The following PMP2 variants were observed in gnomAD, a reference collection of about 807,000 sequenced individuals.
PMP2 encodes the protein peripheral myelin protein 2.
PMP2 carries 11 observed loss-of-function variants against 15.9 expected under a neutral mutation model. The ratio of observed to expected loss-of-function variants is 0.69; its 90% CI spans 0.44 to 1.14. The LOEUF (loss-of-function observed/expected upper bound fraction) is 1.14. Among genes scored for constraint, PMP2 ranks in the 50% most tolerant of loss-of-function variants. The probability of loss-of-function intolerance (pLI) is 0.00; values close to 1 mark genes in which losing one functional copy is unlikely to be tolerated. For synonymous variants in PMP2, 55 were observed against 54.1 expected, an observed-to-expected ratio of 1.02 and a Z score of -0.07; for missense variants, 151 against 154.0, an observed-to-expected ratio of 0.98 and a Z score of 0.10.
chr8:81,447,382 C>T lies in PMP2; in HGVS notation c.5G>A (p.Ser2Asn). 6.2e-7 allele frequency: 1 copy of T among 1,613,286 alleles called. No individual in the cohort carries two copies. Among genetic ancestry groups the T allele is most frequent in the Non-Finnish European group, 8.5e-7 (1 of 1,179,238 alleles). ...TTTCCAGGTGCCCAGGAATTTGTTG[C>T]TCATCGTGATGGGTGAGAGCTCAAC... M[S>N]NKFLGTWKLV... is the part of the protein sequence containing the mutation. The change falls in exon 1 of 4, where the codon AGC (serine) becomes AAC (asparagine). Residue 2 changes from serine to asparagine, a missense_variant. Coordinates refer to ENST00000256103, the MANE Select transcript of PMP2 (RefSeq NM_002677.5).
chr8:81,443,364 T>C lies in PMP2; in HGVS notation c.*34A>G. On this transcript the variant is annotated 3_prime_UTR_variant, in exon 4 of 4. Transcript: ENST00000256103. ...GAAGCAATTGATTTCCATCATTAAA[T>C]GATAAAAAGCCACTTCAATGAAGAA... 6.9e-7 allele frequency: 1 copy of C among 1,439,012 alleles called. No individual in the cohort carries two copies. Among genetic ancestry groups the C allele is most frequent in the Admixed American group, 1.8e-5 (1 of 54,278 alleles). 89.1% of individuals were successfully genotyped at this position (1,439,012 alleles called of 1,614,324 possible).
intron 1 of PMP2, among the ~76,000 whole-genome samples, chr8:81,445,512 C>T (rs1015163523): frequency 2.0e-5 from 3 of 152,134 alleles, no homozygotes; most frequent in Admixed American, 6.5e-5. Flanking sequence ...CGTGAGCCAC[C>T]GCGCCCGGCC....
In PMP2 at chr8:81,447,309, C is replaced by T; in HGVS notation, c.73+5G>A. ...TTCAGCAGAACAACAAAAAGCATTTCTTACCCAGAGCTTTCATGTAATCGT... is the reference window on the plus strand; with the variant it reads ...TTCAGCAGAACAACAAAAAGCATTTTTTACCCAGAGCTTTCATGTAATCGT... On this transcript the variant is annotated splice_donor_5th_base_variant and intron_variant, in intron 1 of 3. Coordinates refer to ENST00000256103, the MANE Select transcript of PMP2 (RefSeq NM_002677.5). 1 of 1,610,346 alleles carries T rather than the reference C, an allele frequency of 6.2e-7. No individual in the cohort carries two copies. The highest frequency in any genetic ancestry group is 8.5e-7 in the Non-Finnish European group (1 of 1,176,560).
chr8:81,446,672 T>C (rs1198557201), intron 1 of PMP2, among the ~76,000 whole-genome samples: 1 of 152,242 alleles, frequency 6.6e-6, no homozygotes, highest in African/African-American at 2.4e-5. Flanking sequence ...CGGTTTTCCA[T>C]CTTCACTCAC....
chr8:81,447,169 A>G, intron 1 of PMP2, 145 bp downstream of exon 1: 1 of 583,270 alleles, frequency 1.7e-6, no homozygotes, highest in Non-Finnish European at 3.1e-6. Context: ...TATCTGAATG[A>G]CACAACAAAA....
chr8:81,443,519 A>G, intron 3 of PMP2, 71 bp from the exon 4 acceptor site: 5 of 931,762 alleles, frequency 5.4e-6, no homozygotes, highest in Non-Finnish European at 8.3e-6. Flanking sequence ...TAATAAAAAT[A>G]GAAATTCAAA....
chr8:81,447,301 A>C lies in PMP2; in HGVS notation c.73+13T>G. On this transcript the variant is annotated intron_variant, in intron 1 of 3. Coordinates refer to ENST00000256103, the MANE Select transcript of PMP2 (RefSeq NM_002677.5). ...AGGAGCTTTTCAGCAGAACAACAAA[A>C]AGCATTTCTTACCCAGAGCTTTCAT... 6.2e-7 allele frequency: 1 copy of C among 1,603,982 alleles called. No homozygotes were observed. The highest frequency in any genetic ancestry group is 1.1e-5 in the South Asian group (1 of 90,870).
At chr8:81,446,020 A>T (rs541001153) in intron 1 of PMP2, among the ~76,000 whole-genome samples, 1 of 152,340 alleles carries the variant, frequency 6.6e-6, no homozygotes, top group Non-Finnish European at 1.5e-5. Context: ...AAAATATATG[A>T]AAGAAAAACT....
chr8:81,444,500 C>A lies in PMP2; in HGVS notation c.348G>T (p.Ala116=), dbSNP rs748491182. ...KRKLVNGKMV[A]ECKMKGVVCT... Reference sequence around the variant, plus strand: ...TATTTAGAAGTAAAGATACTCTTACCGCTACCATTTTCCCATTCACTAGCT... The same window carrying A: ...TATTTAGAAGTAAAGATACTCTTACAGCTACCATTTTCCCATTCACTAGCT... The change falls in exon 3 of 4, where the codon GCG becomes GCT. Residue 116 remains alanine (A), a splice_region_variant and synonymous_variant. Coordinates refer to ENST00000256103, the MANE Select transcript of PMP2 (RefSeq NM_002677.5). 1 of 1,585,488 alleles carries A rather than the reference C, an allele frequency of 6.3e-7. No homozygotes were observed.
Position 81,443,157 on chromosome 8 carries a change from A to G in PMP2, c.*241T>C, listed in dbSNP as rs1041711033. 1 of 368,688 alleles carries G rather than the reference A, an allele frequency of 2.7e-6. No homozygotes were observed. Among genetic ancestry groups the G allele is most frequent in the African/African-American group, 2.1e-5 (1 of 47,488 alleles). 22.8% of individuals were successfully genotyped at this position (368,688 alleles called of 1,614,324 possible). On this transcript the variant is annotated 3_prime_UTR_variant, in exon 4 of 4. Transcript: ENST00000256103. ...AGAATTTTGTAGTTAATTGAATGAC[A>G]TCATCAACTGTTTGTGTCTGGCCAA...
At chr8:81,444,425 G>T in intron 3 of PMP2, 75 bp downstream of exon 3, 3 of 904,238 alleles carry the variant, frequency 3.3e-6, no homozygotes, top group South Asian at 1.9e-5. Flanking sequence ...AAAGAACAAA[G>T]AATATTTTGA....
Position 81,442,608 on chromosome 8 carries a change from G to T in PMP2, c.*790C>A, listed in dbSNP as rs1025915087. ...AAACATGATGCTGAATTTAAAAAAGGCAAACAGAAAAGAATGCATGATGTA... is the reference window on the plus strand; with the variant it reads ...AAACATGATGCTGAATTTAAAAAAGTCAAACAGAAAAGAATGCATGATGTA... On this transcript the variant is annotated 3_prime_UTR_variant, in exon 4 of 4. Coordinates refer to ENST00000256103, the MANE Select transcript of PMP2 (RefSeq NM_002677.5). The T allele has an allele frequency of 6.6e-6, 1 of 152,398 alleles. No individual in the cohort carries two copies. Among genetic ancestry groups the T allele is most frequent in the Non-Finnish European group, 1.5e-5 (1 of 67,970 alleles). 9.4% of individuals were successfully genotyped at this position (152,398 alleles called of 1,614,324 possible).
At chr8:81,445,715 G>A (rs555268932) in intron 1 of PMP2, among the ~76,000 whole-genome samples, 14 of 152,094 alleles carry the variant, frequency 9.2e-5, no homozygotes, top group South Asian at 2.1e-4. Flanking sequence ...TAGCATATAC[G>A]TATTGTTCTA....
At chr8:81,444,448 CA>C in intron 3 of PMP2, 51 bp downstream of exon 3, 1 of 1,098,220 alleles carries the variant, frequency 9.1e-7, no homozygotes, top group South Asian at 1.5e-5. Context: ...ACAATATAAT[CA>C]AATTATTTAT....
chr8:81,447,028 T>C (rs1008945326), intron 1 of PMP2, among the ~76,000 whole-genome samples: 2 of 152,248 alleles, frequency 1.3e-5, no homozygotes, highest in African/African-American at 2.4e-5. Context: ...CTTTCTCTCC[T>C]CTGGACCTGC....
chr8:81,444,713 C>A (rs1807414334), intron 2 of PMP2, 104 bp downstream of exon 2: 3 of 1,357,950 alleles, frequency 2.2e-6, no homozygotes, highest in Non-Finnish European at 2.1e-6. Context: ...AGGAGGTACA[C>A]TCCTTTTCAA....
At chr8:81,443,932 G>A (rs1451020062) in intron 3 of PMP2, among the ~76,000 whole-genome samples, 1 of 151,880 alleles carries the variant, frequency 6.6e-6, no homozygotes, top group African/African-American at 2.4e-5. Context: ...TACATTCAAT[G>A]TATGTGTTAA....
intron 1 of PMP2, among the ~76,000 whole-genome samples, chr8:81,445,625 A>G (rs146966551): frequency 2.6e-5 from 4 of 152,220 alleles, no homozygotes; most frequent in African/African-American, 9.6e-5. Flanking sequence ...AAAATTACTA[A>G]TTATAGATTT....
Position 81,442,005 on chromosome 8 carries a change from A to G in PMP2, c.*1393T>C, listed in dbSNP as rs1287653380. ...CTAAGCCATTTTGGCAGATAGGATT[A>G]GTAAATATATGCATGTGTATACACA... On this transcript the variant is annotated 3_prime_UTR_variant, in exon 4 of 4. Transcript: ENST00000256103. 5.9e-5 allele frequency: 9 copies of G among 152,138 alleles called. No homozygotes were observed. Among genetic ancestry groups the G allele is most frequent in the Admixed American group, 1.3e-4 (2 of 15,274 alleles). The allele number at this position is 152,138 out of a possible 1,614,324, so 9.4% of individuals were successfully genotyped here. A position where few individuals can be genotyped will look rare whatever the true frequency, so the allele number is the denominator to read the frequency against.
Sources: allele counts gnomAD v4.1 joint callset (sites outside exome capture counted in the v4.1 genomes callset), GRCh38; gene constraint gnomAD v4.1.1; transcripts MANE v1.5; gene names NCBI Gene and HGNC (gene_info 2026-07-23, HGNC 2026-07-21).